STX3: variants seen among roughly 807,000 people sequenced by gnomAD.
STX3 encodes syntaxin-3.
STX3 carries 19 observed loss-of-function variants against 40.2 expected under a neutral mutation model. The ratio of observed to expected loss-of-function variants is 0.47; its 90% CI spans 0.33 to 0.69. The LOEUF (loss-of-function observed/expected upper bound fraction) is 0.69. Ranked by LOEUF, STX3 falls within the 30% of genes least tolerant of loss-of-function variation. The pLI is 0.02. For missense variants in STX3, 364 were observed against 366.7 expected (o/e 0.99, Z 0.06); for synonymous variants, 122 against 132.2 (o/e 0.92, Z 0.53).
intron 2 of STX3, among the ~76,000 whole-genome samples, chr11:59,782,966 T>G (rs1205605700): frequency 6.6e-6 from 1 of 151,564 alleles, no homozygotes; most frequent in African/African-American, 2.4e-5. Context: ...GCCACTGCAC[T>G]CTAGCCTGGG....
rs1429853997 is a variant in STX3 at position 59,792,950 on chromosome 11, A to G, written c.467-149A>G. The G allele has an allele frequency of 2.8e-5, 20 of 704,274 alleles. No homozygotes were observed. The South Asian group carries it at 3.5e-4, about 12-fold the overall frequency. 43.6% of individuals were successfully genotyped at this position (704,274 alleles called of 1,614,324 possible). A position where few individuals can be genotyped will look rare whatever the true frequency, so the allele number is the denominator to read the frequency against. ...TGTTAAGGATGGCTTGGATTAGGGC[A>G]GAAATAAGATGAGTCAGGAGGCAAT... On this transcript the variant is annotated intron_variant, in intron 6 of 10. Coordinates refer to ENST00000337979, the MANE Select transcript of STX3 (RefSeq NM_004177.5).
chr11:59,793,257 G>A (rs983492103), intron 7 of STX3, 85 bp downstream of exon 7: 3 of 1,607,136 alleles, frequency 1.9e-6, no homozygotes, highest in Non-Finnish European at 2.6e-6. Context: ...GCAGGTGGAG[G>A]GGGAGCTGCA....
intron 1 of STX3, among the ~76,000 whole-genome samples, chr11:59,768,542 A>T (rs1292029974): frequency 6.6e-6 from 1 of 152,206 alleles, no homozygotes; most frequent in African/African-American, 2.4e-5. Flanking sequence ...GGGGCATGGT[A>T]TTAAGAAAGC....
rs1865960179 is a variant in STX3 at position 59,803,164 on chromosome 11, C to G, written c.*2340C>G. ...CATGCACTTATCTCCCTGCAGAATA[C>G]TTTTTGCGATGATGTTTCTCATGTA... On this transcript the variant is annotated 3_prime_UTR_variant, in exon 11 of 11. Coordinates refer to ENST00000337979, the MANE Select transcript of STX3 (RefSeq NM_004177.5). 16 of 1,231,396 alleles carry G rather than the reference C, an allele frequency of 1.3e-5. No homozygotes were observed. In the South Asian group the frequency reaches 6.2e-4, roughly 48 times the overall value. 76.3% of individuals were successfully genotyped at this position (1,231,396 alleles called of 1,614,324 possible). A position where few individuals can be genotyped will look rare whatever the true frequency, so the allele number is the denominator to read the frequency against.
chr11:59,782,580 C>T (rs980614393), intron 2 of STX3, among the ~76,000 whole-genome samples: 7 of 152,122 alleles, frequency 4.6e-5, no homozygotes, highest in Non-Finnish European at 1.0e-4. Flanking sequence ...TTACAGGGTG[C>T]GTTCAAGGTC....
At chr11:59,766,728 CAG>C (rs2134889406) in intron 1 of STX3, among the ~76,000 whole-genome samples, 1 of 152,366 alleles carries the variant, frequency 6.6e-6, no homozygotes, top group Non-Finnish European at 1.5e-5. Flanking sequence ...CAGCTGCTCT[CAG>C]TGACAGGCTG....
At chr11:59,767,665 T>C (rs1221629887) in intron 1 of STX3, among the ~76,000 whole-genome samples, 2 of 152,202 alleles carry the variant, frequency 1.3e-5, no homozygotes, top group Admixed American at 1.3e-4. Flanking sequence ...CAAACTTTGT[T>C]GTTGTTATTT....
intron 1 of STX3, among the ~76,000 whole-genome samples, chr11:59,758,969 C>G (rs1862883197): frequency 6.6e-6 from 1 of 152,180 alleles, no homozygotes; most frequent in Admixed American, 6.5e-5. Flanking sequence ...AGGATATCAT[C>G]CTTGTGATAG....
At chr11:59,799,576 G>C (rs1045987923) in intron 10 of STX3, 61 of 842,012 alleles carry the variant, frequency 7.2e-5, no homozygotes, top group Non-Finnish European at 8.7e-5. Flanking sequence ...ACTCATATAA[G>C]TTGGAGTACT....
At chr11:59,758,662 C>T (rs1221955923) in intron 1 of STX3, among the ~76,000 whole-genome samples, 1 of 152,206 alleles carries the variant, frequency 6.6e-6, no homozygotes, top group Non-Finnish European at 1.5e-5. Flanking sequence ...CCTCGACAGC[C>T]TGCTTTTTCA....
chr11:59,757,109 C>G (rs1862757729), intron 1 of STX3, among the ~76,000 whole-genome samples: 1 of 152,112 alleles, frequency 6.6e-6, no homozygotes. Context: ...ACTGATGGGG[C>G]AGAATTTATT....
intron 2 of STX3, among the ~76,000 whole-genome samples, chr11:59,773,751 A>T (rs1336640850): frequency 2.0e-5 from 3 of 152,116 alleles, no homozygotes; most frequent in Non-Finnish European, 4.4e-5. Context: ...AGGCCAAGGC[A>T]GGTGGATCAC....
intron 2 of STX3, among the ~76,000 whole-genome samples, chr11:59,786,293 G>C (rs950651631): frequency 2.0e-4 from 29 of 146,910 alleles, no homozygotes; most frequent in African/African-American, 7.1e-4. Context: ...AGGCTGGAGT[G>C]CAGTGGTGCG....
chr11:59,775,333 A>G (rs781570727), intron 2 of STX3, among the ~76,000 whole-genome samples: 3 of 152,172 alleles, frequency 2.0e-5, no homozygotes, highest in African/African-American at 4.8e-5. Flanking sequence ...GTGGAAGGAC[A>G]ATATCCTTTC....
chr11:59,803,091 C>T lies in STX3; in HGVS notation c.*2267C>T. 8.1e-7 allele frequency: 1 copy of T among 1,228,274 alleles called. No individual in the cohort carries two copies. Among genetic ancestry groups the T allele is most frequent in the Non-Finnish European group, 1.0e-6 (1 of 986,168 alleles). The allele number at this position is 1,228,274 out of a possible 1,614,324, so 76.1% of individuals were successfully genotyped here. The stretch of plus-strand genomic sequence containing the variant: ...TGGGTCCTAGAAGCCAGATCCATCT[C>T]CTTTTTCCTTCTGTTGCTCTCTTCC... On this transcript the variant is annotated 3_prime_UTR_variant, in exon 11 of 11. Coordinates refer to ENST00000337979, the MANE Select transcript of STX3 (RefSeq NM_004177.5).
At chr11:59,777,345 A>G (rs987356846) in intron 2 of STX3, among the ~76,000 whole-genome samples, 1 of 152,180 alleles carries the variant, frequency 6.6e-6, no homozygotes, top group African/African-American at 2.4e-5. Flanking sequence ...TGTCTTCCGG[A>G]TAATTCTGTT....
intron 6 of STX3, among the ~76,000 whole-genome samples, 171 bp downstream of exon 6, chr11:59,792,386 A>G (rs1238019754): frequency 6.6e-6 from 1 of 152,162 alleles, no homozygotes; most frequent in Admixed American, 6.5e-5. Context: ...CTGAAAGGTG[A>G]CACCGTGTTT....
intron 2 of STX3, among the ~76,000 whole-genome samples, chr11:59,776,346 A>G (rs546664246): frequency 6.6e-6 from 1 of 152,350 alleles, no homozygotes; most frequent in South Asian, 2.1e-4. Context: ...GGGTGCACCT[A>G]TCACAGTGCC....
intron 2 of STX3, among the ~76,000 whole-genome samples, chr11:59,776,576 C>T (rs1020766332): frequency 1.3e-5 from 2 of 152,164 alleles, no homozygotes; most frequent in South Asian, 4.1e-4. Context: ...ATAACTAAGT[C>T]GCTTTCTTGG....
Sources: allele counts gnomAD v4.1 joint callset (sites outside exome capture counted in the v4.1 genomes callset), GRCh38; gene constraint gnomAD v4.1.1; transcripts MANE v1.5; gene names NCBI Gene and HGNC (gene_info 2026-07-23, HGNC 2026-07-21).